The following OSBPL9 variants were observed in gnomAD, a reference collection of about 807,000 sequenced individuals.
OSBPL9 encodes the protein oxysterol binding protein like 9.
In OSBPL9, 40 loss-of-function variants were observed where a neutral mutation model predicts 106.6. The ratio of observed to expected loss-of-function variants is 0.38; its 90% CI spans 0.29 to 0.49. The LOEUF is 0.49. Ranked by LOEUF, OSBPL9 falls within the 20% of genes least tolerant of loss-of-function variation. OSBPL9 has a pLI of 0.97. For missense variants in OSBPL9, 609 were observed against 887.2 expected (o/e 0.69, Z 3.98); for synonymous variants, 269 against 295.4 (o/e 0.91, Z 0.92).
intron 2 of OSBPL9, among the ~76,000 whole-genome samples, chr1:51,598,603 GGT>G (rs144426018): frequency 1.3e-5 from 2 of 151,102 alleles, no homozygotes; most frequent in Non-Finnish European, 3.0e-5. Flanking sequence ...AATCTCTCCT[GGT>G]GTGTGTGTGT....
chr1:51,674,246 A>C (rs1650637189), intron 3 of OSBPL9, among the ~76,000 whole-genome samples: 1 of 151,716 alleles, frequency 6.6e-6, no homozygotes, highest in Non-Finnish European at 1.5e-5. Context: ...TTTTTTTTTA[A>C]TAAAAAATTT....
intron 2 of OSBPL9, among the ~76,000 whole-genome samples, chr1:51,600,685 G>A (rs976759751): frequency 6.6e-6 from 1 of 152,046 alleles, no homozygotes; most frequent in African/African-American, 2.4e-5. Flanking sequence ...TTCCCTCTTT[G>A]TAAAATTTTG....
intron 5 of OSBPL9, 133 bp downstream of exon 5, chr1:51,745,764 T>A: frequency 1.8e-6 from 2 of 1,110,874 alleles, no homozygotes; most frequent in Non-Finnish European, 2.4e-6. Context: ...AAAGCAGACT[T>A]AAAAGATCTA....
At chr1:51,605,064 C>T (rs1364908153) in intron 2 of OSBPL9, among the ~76,000 whole-genome samples, 2 of 152,290 alleles carry the variant, frequency 1.3e-5, no homozygotes, top group Middle Eastern at 3.4e-3. Flanking sequence ...GAACATCTGG[C>T]CCTCAAAGCC....
At chr1:51,698,590 A>G (rs1478869597) in intron 3 of OSBPL9, among the ~76,000 whole-genome samples, 1 of 152,164 alleles carries the variant, frequency 6.6e-6, no homozygotes, top group African/African-American at 2.4e-5. Context: ...GGCTTAGAGG[A>G]TGGAAAGCAA....
intron 4 of OSBPL9, among the ~76,000 whole-genome samples, chr1:51,734,309 G>A (rs1262981832): frequency 2.0e-5 from 3 of 152,032 alleles, no homozygotes; most frequent in East Asian, 3.8e-4. Flanking sequence ...TGCTTACTCC[G>A]TTGTTTCTTT....
intron 5 of OSBPL9, among the ~76,000 whole-genome samples, chr1:51,745,935 CTG>C (rs1359939016): frequency 6.6e-6 from 1 of 152,026 alleles, no homozygotes; most frequent in Non-Finnish European, 1.5e-5. Flanking sequence ...TTCCATGAAA[CTG>C]TGTTTTAGTG....
intron 16 of OSBPL9, among the ~76,000 whole-genome samples, chr1:51,782,110 A>G (rs570368050): frequency 2.6e-5 from 4 of 152,334 alleles, no homozygotes; most frequent in Admixed American, 2.6e-4. Context: ...GTGGTTGAAG[A>G]AAATGACCAG....
At chr1:51,585,602 C>A (rs1375546680) in intron 1 of OSBPL9, among the ~76,000 whole-genome samples, 1 of 152,052 alleles carries the variant, frequency 6.6e-6, no homozygotes, top group Non-Finnish European at 1.5e-5. Flanking sequence ...ATGGTGAAAC[C>A]CTGTCTCTAC....
intron 4 of OSBPL9, among the ~76,000 whole-genome samples, chr1:51,718,546 G>A (rs1195982374): frequency 6.6e-6 from 1 of 152,072 alleles, no homozygotes; most frequent in African/African-American, 2.4e-5. Flanking sequence ...TCATTGGATA[G>A]TTCGTCTGTA....
chr1:51,597,128 CAGAA>C (rs1241181414), intron 1 of OSBPL9, among the ~76,000 whole-genome samples: 9 of 152,048 alleles, frequency 5.9e-5, no homozygotes, highest in African/African-American at 2.2e-4. Context: ...ATTTGAGCAT[CAGAA>C]AGAAAGCCAA....
At chr1:51,716,087 T>C (rs1660999386) in intron 4 of OSBPL9, among the ~76,000 whole-genome samples, 1 of 152,270 alleles carries the variant, frequency 6.6e-6, no homozygotes, top group South Asian at 2.1e-4. Flanking sequence ...AGAGCTTGTA[T>C]GTCTTTGGGA....
intron 2 of OSBPL9, among the ~76,000 whole-genome samples, chr1:51,604,028 C>T (rs1450517650): frequency 1.3e-5 from 2 of 152,116 alleles, no homozygotes; most frequent in Non-Finnish European, 2.9e-5. Flanking sequence ...GTTCTGATAA[C>T]ATTAAGTCTC....
chr1:51,547,733 C>T, the OSBPL9 span, among the ~76,000 whole-genome samples: 1 of 151,890 alleles, frequency 6.6e-6, no homozygotes, highest in Non-Finnish European at 1.5e-5. Context: ...AGCTGTAGTC[C>T]CAGCTACTTG....
chr1:51,610,689 C>G (rs1025021044), intron 2 of OSBPL9, among the ~76,000 whole-genome samples: 1 of 152,236 alleles, frequency 6.6e-6, no homozygotes, highest in Non-Finnish European at 1.5e-5. Flanking sequence ...GAGCTCCTCT[C>G]AGCCAACCCA....
chr1:51,706,754 A>G (rs897643376), intron 3 of OSBPL9, among the ~76,000 whole-genome samples: 2 of 151,508 alleles, frequency 1.3e-5, no homozygotes, highest in East Asian at 1.9e-4. Context: ...ACTGTATCCA[A>G]TGAATCCATA....
At chr1:51,652,302 T>A (rs991588861) in intron 2 of OSBPL9, among the ~76,000 whole-genome samples, 4 of 152,188 alleles carry the variant, frequency 2.6e-5, no homozygotes, top group African/African-American at 9.6e-5. Context: ...AACCTCTACT[T>A]TACAGACAAG....
intron 2 of OSBPL9, among the ~76,000 whole-genome samples, chr1:51,608,606 A>G (rs1643964773): frequency 6.6e-6 from 1 of 151,590 alleles, no homozygotes; most frequent in South Asian, 2.1e-4. Flanking sequence ...ACTGGCCTTC[A>G]ATGATTATTT....
chr1:51,597,743 A>T (rs969019596), intron 1 of OSBPL9, among the ~76,000 whole-genome samples: 1 of 152,212 alleles, frequency 6.6e-6, no homozygotes, highest in African/African-American at 2.4e-5. Flanking sequence ...GACTGGCTCT[A>T]AAAATAAGAG....
Sources: gnomAD v4.1 joint callset for allele counts (sites outside exome capture counted in the v4.1 genomes callset) on GRCh38, gnomAD v4.1.1 for gene constraint, MANE v1.5 for transcripts, NCBI Gene and HGNC (gene_info 2026-07-23, HGNC 2026-07-21) for gene names.